Variants in ZNF385D observed in about 807,000 individuals in gnomAD.
ZNF385D encodes zinc finger protein 385D.
Under a neutral mutation model 35.8 loss-of-function variants are expected in ZNF385D, and 15 were observed. The observed-to-expected ratio is 0.42, with a 90% CI of 0.28 to 0.64. The LOEUF (loss-of-function observed/expected upper bound fraction) is 0.64. ZNF385D is among the 30% of genes least tolerant of loss of function. The pLI, the probability that ZNF385D is intolerant of heterozygous loss-of-function variation, is 0.23. For missense variants in ZNF385D, 474 were observed against 494.6 expected (o/e 0.96, Z 0.39); for synonymous variants, 212 against 186.8 (o/e 1.13, Z -1.10).
At chr3:21,896,774 T>C (rs1267330959) in intron 3 of ZNF385D, among the ~76,000 whole-genome samples, 2 of 152,070 alleles carry the variant, frequency 1.3e-5, no homozygotes, top group Non-Finnish European at 2.9e-5. Context: ...GTTCTTGACA[T>C]TCGCACTAGG....
At chr3:22,345,193 A>G (rs1375991914) in intron 2 of ZNF385D, among the ~76,000 whole-genome samples, 1 of 152,144 alleles carries the variant, frequency 6.6e-6, no homozygotes, top group East Asian at 1.9e-4. Context: ...TTAGTTATGG[A>G]CTGCCTTTAT....
At chr3:21,605,422 C>A (rs945352814) in intron 2 of ZNF385D, among the ~76,000 whole-genome samples, 1 of 152,104 alleles carries the variant, frequency 6.6e-6, no homozygotes, top group African/African-American at 2.4e-5. Flanking sequence ...CCGTGCCTAT[C>A]GTTAAATTTT....
chr3:22,280,262 G>T (rs529166802), intron 2 of ZNF385D, among the ~76,000 whole-genome samples: 2 of 152,006 alleles, frequency 1.3e-5, no homozygotes, highest in Non-Finnish European at 2.9e-5. Context: ...CTGCTGTTCA[G>T]AAGTTTTTCA....
chr3:21,439,142 G>C (rs1559448410), intron 4 of ZNF385D, among the ~76,000 whole-genome samples: 1 of 151,956 alleles, frequency 6.6e-6, no homozygotes, highest in East Asian at 1.9e-4. Flanking sequence ...ATTTTTTATT[G>C]TATAAATTGT....
At chr3:21,600,880 T>A (rs1575291235) in intron 2 of ZNF385D, among the ~76,000 whole-genome samples, 1 of 151,206 alleles carries the variant, frequency 6.6e-6, no homozygotes. Flanking sequence ...AATTTAAAAA[T>A]AATAAGTCAA....
At chr3:22,299,787 T>A (rs184780215) in intron 2 of ZNF385D, among the ~76,000 whole-genome samples, 1 of 151,954 alleles carries the variant, frequency 6.6e-6, no homozygotes, top group East Asian at 1.9e-4. Context: ...CACTGAAAAC[T>A]GTAAAATATT....
At chr3:22,110,587 A>C (rs1487058426) in intron 3 of ZNF385D, among the ~76,000 whole-genome samples, 3 of 151,170 alleles carry the variant, frequency 2.0e-5, no homozygotes, top group South Asian at 2.1e-4. Flanking sequence ...GAATTGAACA[A>C]TGAGAACACA....
Position 21,716,191 on chromosome 3 carries a change from T to C in ZNF385D, c.22+34704A>G, listed in dbSNP as rs565460330. 2.0e-5 allele frequency among the ~76,000 whole-genome samples: 3 copies of C among 152,298 alleles called. No homozygotes were observed. The South Asian group carries it at 6.2e-4, about 32-fold the overall frequency. On this transcript the variant is annotated intron_variant, in intron 1 of 7. Coordinates refer to ENST00000281523, the MANE Select transcript of ZNF385D (RefSeq NM_024697.3). ...TCAAGCCTCATCTGAAATATTTTGATAGCTTTGTAGCTAGTTTCCTTGTTT... is the reference window on the plus strand; with the variant it reads ...TCAAGCCTCATCTGAAATATTTTGACAGCTTTGTAGCTAGTTTCCTTGTTT...
intron 3 of ZNF385D, among the ~76,000 whole-genome samples, chr3:22,084,376 G>A (rs1174001490): frequency 6.6e-6 from 1 of 152,122 alleles, no homozygotes; most frequent in Admixed American, 6.5e-5. Flanking sequence ...ATAAAGGGAT[G>A]GAGGAAGATC....
chr3:21,877,778 T>C (rs1333307871), intron 3 of ZNF385D: 1 of 152,064 alleles, frequency 6.6e-6, no homozygotes, highest in African/African-American at 2.4e-5. Flanking sequence ...GACTCACTTT[T>C]AGAGCTGAGG....
intron 2 of ZNF385D, among the ~76,000 whole-genome samples, chr3:22,291,840 T>C (rs768735411): frequency 6.6e-6 from 1 of 152,092 alleles, no homozygotes; most frequent in Non-Finnish European, 1.5e-5. Flanking sequence ...TGCAAAAATT[T>C]AATGCTTTTT....
chr3:22,130,534 G>C (rs2125684616), intron 3 of ZNF385D, among the ~76,000 whole-genome samples: 1 of 152,222 alleles, frequency 6.6e-6, no homozygotes, highest in East Asian at 1.9e-4. Flanking sequence ...CCTCCAAGCT[G>C]GCCAAATCTG....
At chr3:21,891,197 A>T (rs1329775128) in intron 3 of ZNF385D, among the ~76,000 whole-genome samples, 1 of 152,224 alleles carries the variant, frequency 6.6e-6, no homozygotes, top group Non-Finnish European at 1.5e-5. Context: ...GGTAATCAAT[A>T]AACAGATATT....
At chr3:22,082,054 C>G (rs1824976) in intron 3 of ZNF385D, among the ~76,000 whole-genome samples, 61,879 of 147,796 alleles carry the variant, frequency 0.42, 12,927 homozygotes, top group Middle Eastern at 0.55. Context: ...GAAATGACTT[C>G]GAACTGCAGT....
At chr3:22,011,881 T>G (rs993046404) in intron 3 of ZNF385D, among the ~76,000 whole-genome samples, 1 of 152,152 alleles carries the variant, frequency 6.6e-6, no homozygotes, top group African/African-American at 2.4e-5. Flanking sequence ...TTCTACATAC[T>G]GCATATAGTA....
intron 2 of ZNF385D, among the ~76,000 whole-genome samples, chr3:22,178,073 G>A (rs1396409222): frequency 6.6e-6 from 1 of 152,170 alleles, no homozygotes; most frequent in East Asian, 1.9e-4. Context: ...ATAGCAGCAT[G>A]ATATATAATT....
At chr3:21,764,217 T>A (rs1277964199) in intron 3 of ZNF385D, among the ~76,000 whole-genome samples, 2 of 152,074 alleles carry the variant, frequency 1.3e-5, no homozygotes, top group Non-Finnish European at 2.9e-5. Context: ...ACCCAGAGGA[T>A]AAAGCAGTGT....
At chr3:22,364,761 TAG>T (rs765383658) in intron 2 of ZNF385D, among the ~76,000 whole-genome samples, 2 of 152,088 alleles carry the variant, frequency 1.3e-5, no homozygotes, top group Non-Finnish European at 2.9e-5. Flanking sequence ...GGATTGAAAG[TAG>T]AGTCTTAAGG....
At chr3:22,122,341 G>A (rs1703134778) in intron 3 of ZNF385D, among the ~76,000 whole-genome samples, 1 of 151,928 alleles carries the variant, frequency 6.6e-6, no homozygotes, top group African/African-American at 2.4e-5. Context: ...TTTTTCCACT[G>A]TAATTGATTC....
Sources: allele counts gnomAD v4.1 joint callset (sites outside exome capture counted in the v4.1 genomes callset), GRCh38; gene constraint gnomAD v4.1.1; transcripts MANE v1.5; gene names NCBI Gene and HGNC (gene_info 2026-07-23, HGNC 2026-07-21).